ZNF717: variants seen among roughly 807,000 people sequenced by gnomAD.
ZNF717 encodes krueppel-like factor X17.
In ZNF717, 9 loss-of-function variants were observed where a neutral mutation model predicts 13.8. The observed-to-expected ratio is 0.65, with a 90% CI of 0.39 to 1.14. The LOEUF (loss-of-function observed/expected upper bound fraction) is 1.14. ZNF717 is among the 50% of genes most tolerant of loss of function. The pLI, the probability that ZNF717 is intolerant of heterozygous loss-of-function variation, is 0.01. For synonymous variants in ZNF717, 327 were observed against 364.1 expected, an observed-to-expected ratio of 0.90 and a Z score of 1.16; for missense variants, 1,040 against 1,080.7, an observed-to-expected ratio of 0.96 and a Z score of 0.53.
At chr3:75,731,605 C>A (rs1487059291), downstream of ZNF717, among the ~76,000 whole-genome samples, 3 of 151,920 alleles carry the variant, frequency 2.0e-5, no homozygotes, top group Admixed American at 2.0e-4. Flanking sequence ...ATCAGTCCAC[C>A]TTAACAACAC....
intron 2 of ZNF717, among the ~76,000 whole-genome samples, chr3:75,771,031 A>T (rs1943836957): frequency 1.3e-5 from 2 of 152,234 alleles, no homozygotes; most frequent in Admixed American, 6.5e-5. Context: ...CTGTAATTCT[A>T]GATTTGAGTC....
rs1159223327 is a variant in ZNF717 at position 75,741,739 on chromosome 3, G to A, written c.58-3C>T. On this transcript the variant is annotated splice_polypyrimidine_tract_variant and splice_region_variant and intron_variant, in intron 2 of 4. Coordinates refer to ENST00000652011, the MANE Select transcript of ZNF717 (RefSeq NM_001290208.3). Reference sequence around the variant, plus strand: ...ACCTCCTCAAAGGACACCAACTCCTGTAATGATACCAGGCTGTTGTAGGTC... The same window carrying A: ...ACCTCCTCAAAGGACACCAACTCCTATAATGATACCAGGCTGTTGTAGGTC... The A allele has an allele frequency of 2.3e-5, 36 of 1,572,496 alleles. No homozygotes were observed. The highest frequency in any genetic ancestry group is 2.8e-5 in the Non-Finnish European group (33 of 1,161,342).
chr3:75,752,699 T>C (rs938927105), intron 2 of ZNF717, among the ~76,000 whole-genome samples: 30 of 139,384 alleles, frequency 2.2e-4, no homozygotes, highest in Admixed American at 7.1e-5. Context: ...GTCCCTCACA[T>C]AGGATTCCAG....
intron 2 of ZNF717, among the ~76,000 whole-genome samples, chr3:75,774,110 T>A (rs1944112820): frequency 6.6e-6 from 1 of 152,114 alleles, no homozygotes; most frequent in Admixed American, 6.5e-5. Flanking sequence ...GGGTGACATT[T>A]GGCTTTCTCT....
chr3:75,727,628 C>T (rs1414283889), downstream of ZNF717, among the ~76,000 whole-genome samples: 6 of 152,322 alleles, frequency 3.9e-5, no homozygotes, highest in South Asian at 2.1e-4. Context: ...TTGGGAAATT[C>T]CAGCCTGGTG....
intron 6 of ZNF717, among the ~76,000 whole-genome samples, chr3:75,704,001 A>T (rs1937749590): frequency 1.3e-5 from 2 of 152,286 alleles, no homozygotes; most frequent in Admixed American, 6.5e-5. Context: ...ATGTCCTAGG[A>T]GTGTAGCATT....
intron 6 of ZNF717, among the ~76,000 whole-genome samples, chr3:75,694,901 TA>T: frequency 1.3e-5 from 2 of 151,998 alleles, no homozygotes; most frequent in Non-Finnish European, 2.9e-5. Flanking sequence ...TCACCTTCAC[TA>T]AAAGGAAGAC....
chr3:75,731,720 C>T (rs1423273283), downstream of ZNF717, among the ~76,000 whole-genome samples: 1 of 152,174 alleles, frequency 6.6e-6, no homozygotes, highest in Non-Finnish European at 1.5e-5. Context: ...TGAGACCAGC[C>T]TGTGCAACAT....
At chr3:75,723,361 C>A (rs75901703) in intron 4 of ZNF717, among the ~76,000 whole-genome samples, 1 of 134,558 alleles carries the variant, frequency 7.4e-6, no homozygotes, top group Non-Finnish European at 1.6e-5. Context: ...GTGATCCTCC[C>A]GCCTCAGCCT....
At chr3:75,760,225 G>A (rs1475478529) in intron 2 of ZNF717, among the ~76,000 whole-genome samples, 1 of 150,470 alleles carries the variant, frequency 6.6e-6, no homozygotes, top group Admixed American at 6.6e-5. Flanking sequence ...TCTATTTTTA[G>A]TAAAGACAGG....
chr3:75,735,635 TAAAAAAA>T (rs149366090), downstream of ZNF717, among the ~76,000 whole-genome samples: 2 of 79,844 alleles, frequency 2.5e-5, no homozygotes, highest in Admixed American at 1.3e-4. Flanking sequence ...ACTGTCTCAA[TAAAAAAA>T]AAAAAAAAAA....
At chr3:75,777,365 G>A (rs11713334) in intron 2 of ZNF717, among the ~76,000 whole-genome samples, 4 of 143,298 alleles carry the variant, frequency 2.8e-5, no homozygotes, top group Middle Eastern at 3.6e-3. Flanking sequence ...TGGGAGTGAC[G>A]TGCTAAAACC....
intron 4 of ZNF717, among the ~76,000 whole-genome samples, chr3:75,740,568 CTATT>C (rs1940259603): frequency 1.1e-5 from 1 of 93,440 alleles, no homozygotes; most frequent in Admixed American, 1.8e-4. Context: ...CCGTACTCAG[CTATT>C]TTTTTTTTTT....
downstream of ZNF717, among the ~76,000 whole-genome samples, chr3:75,735,462 CAGAAA>C (rs796935995): frequency 2.5e-5 from 1 of 39,648 alleles, no homozygotes; most frequent in Non-Finnish European, 5.1e-5. Context: ...CCTGTCCCTA[CAGAAA>C]AGAAAAGGCC....
chr3:75,758,109 T>C (rs1298876737), intron 2 of ZNF717, among the ~76,000 whole-genome samples: 1 of 97,516 alleles, frequency 1.0e-5, no homozygotes, highest in African/African-American at 4.7e-5. Flanking sequence ...CAAGACTCCA[T>C]CTCAAAAAAA....
intron 2 of ZNF717, among the ~76,000 whole-genome samples, chr3:75,774,822 T>A (rs1944184241): frequency 6.6e-6 from 1 of 152,064 alleles, no homozygotes; most frequent in Non-Finnish European, 1.5e-5. Context: ...GGTTTCGCCG[T>A]GTTAGCCAGG....
At chr3:75,702,662 G>T (rs1418146447) in intron 6 of ZNF717, among the ~76,000 whole-genome samples, 1 of 152,310 alleles carries the variant, frequency 6.6e-6, no homozygotes, top group Admixed American at 6.5e-5. Context: ...TTGAGGGATG[G>T]ATACACCATT....
downstream of ZNF717, among the ~76,000 whole-genome samples, chr3:75,734,424 TTTTTTTTG>T (rs60772948): frequency 0.41 from 61,108 of 148,074 alleles, 12,919 homozygotes; most frequent in South Asian, 0.6. Context: ...GTAAAATGGG[TTTTTTTTG>T]TTTTTTTGTT....
chr3:75,779,505 G>A (rs143135600), intron 2 of ZNF717, among the ~76,000 whole-genome samples: 6 of 150,592 alleles, frequency 4.0e-5, no homozygotes, highest in South Asian at 2.1e-4. Flanking sequence ...TGGGAGTGAC[G>A]TGCAAAAACC....
Sources: gnomAD v4.1 joint callset for allele counts (sites outside exome capture counted in the v4.1 genomes callset) on GRCh38, gnomAD v4.1.1 for gene constraint, MANE v1.5 for transcripts, NCBI Gene and HGNC (gene_info 2026-07-23, HGNC 2026-07-21) for gene names.